The following ANXA6 variants were observed in gnomAD, a reference collection of about 807,000 sequenced individuals.
The protein encoded by ANXA6 is 67 kDa calelectrin.
ANXA6 carries 71 observed loss-of-function variants against 95.4 expected under a neutral mutation model. That is an observed-to-expected ratio of 0.74 (90% CI 0.61 to 0.91). The LOEUF (loss-of-function observed/expected upper bound fraction) is 0.91. ANXA6 is among the 40% of genes least tolerant of loss of function. The pLI is 0.00. For synonymous variants in ANXA6, 289 were observed against 315.9 expected (o/e 0.91, Z 0.90); for missense variants, 830 against 876.4 (o/e 0.95, Z 0.67).
At chr5:151,145,892 C>G (rs1451365579) in intron 2 of ANXA6, among the ~76,000 whole-genome samples, 1 of 152,162 alleles carries the variant, frequency 6.6e-6, no homozygotes, top group Non-Finnish European at 1.5e-5. Flanking sequence ...CTAGACCACT[C>G]TGAGCCCCCT....
In ANXA6 at chr5:151,134,120, T is replaced by G. The variant is rs189166750; in HGVS notation, c.546+307A>C. 2.1e-3 allele frequency among the ~76,000 whole-genome samples: 321 copies of G among 152,340 alleles called. 1 individual carries two copies. The highest frequency in any genetic ancestry group is 0.01 in the Middle Eastern group (3 of 294). Reference sequence around the variant, plus strand: ...CTTGATTTTGTTCATTAGTGATTTCTAAATGCTTGGCAGAGTGCCTAGCAC... The same window carrying G: ...CTTGATTTTGTTCATTAGTGATTTCGAAATGCTTGGCAGAGTGCCTAGCAC... On this transcript the variant is annotated intron_variant, in intron 8 of 25. Coordinates refer to ENST00000354546, the MANE Select transcript of ANXA6 (RefSeq NM_001155.5).
In ANXA6 at chr5:151,126,410, G is replaced by A. The variant is rs775635638; in HGVS notation, c.1048C>T (p.Arg350Ter). 8.7e-6 allele frequency: 14 copies of A among 1,608,930 alleles called. No homozygotes were observed. Among genetic ancestry groups the A allele is most frequent in the Non-Finnish European group, 1.1e-5 (13 of 1,177,728 alleles). Residue 350 changes from arginine to a stop codon, truncating the protein, a stop_gained, in exon 14 of 26, where the codon CGA becomes TGA. Transcript: ENST00000354546. LOFTEE classifies it high-confidence loss of function. ...GGAGGGGAAGGTCTGACCTCTACTC[G>A]GGCCACTGCACTAAGTTCCCACATC... ...YQMWELSAVA[R>*]VELKGTVRPA... is the part of the protein sequence containing the mutation.
chr5:151,136,136 A>G, intron 7 of ANXA6, 120 bp downstream of exon 7: 8 of 858,526 alleles, frequency 9.3e-6, no homozygotes, highest in Non-Finnish European at 1.5e-5. Flanking sequence ...TTAGCCAAAT[A>G]CACCTGCCTG....
chr5:151,135,059 A>G (rs1435105822), intron 7 of ANXA6, among the ~76,000 whole-genome samples: 1 of 152,144 alleles, frequency 6.6e-6, no homozygotes, highest in Non-Finnish European at 1.5e-5. Flanking sequence ...AAGCTTACAC[A>G]TAGGAGGATG....
rs753156467 is a variant in ANXA6, at chr5:151,105,269, G to C, written c.1815C>G (p.Ala605=). ...QSVKNKPLFF[A]DKLYKSMKGA... is the part of the protein sequence containing the mutation. ...CCTTCATGGATTTGTAAAGTTTGTCGGCAAAGAAGAGAGGCTTGTTCTTGA... is the reference window on the plus strand; with the variant it reads ...CCTTCATGGATTTGTAAAGTTTGTCCGCAAAGAAGAGAGGCTTGTTCTTGA... The change falls in exon 24 of 26, where the codon GCC becomes GCG. Residue 605 remains alanine, a synonymous_variant. Transcript: ENST00000354546. 2 of 1,613,886 alleles carry C rather than the reference G, an allele frequency of 1.2e-6. No individual in the cohort carries two copies. Among genetic ancestry groups the C allele is most frequent in the African/African-American group, 2.7e-5 (2 of 75,032 alleles).
intron 25 of ANXA6, among the ~76,000 whole-genome samples, 187 bp downstream of exon 25, chr5:151,103,383 A>G (rs979744277): frequency 4.6e-5 from 7 of 152,178 alleles, no homozygotes; most frequent in African/African-American, 1.7e-4. Context: ...TTAATTATAA[A>G]CCTTTGATTC....
chr5:151,148,075 AT>A, intron 1 of ANXA6, 149 bp from the exon 2 acceptor site: 9 of 713,190 alleles, frequency 1.3e-5, no homozygotes, highest in Admixed American at 2.2e-5. Flanking sequence ...GGCCAATCAC[AT>A]TTTTTTCAGA....
chr5:151,120,872 T>C (rs1765148970), intron 17 of ANXA6, among the ~76,000 whole-genome samples: 2 of 152,232 alleles, frequency 1.3e-5, no homozygotes, highest in African/African-American at 4.8e-5. Context: ...AGGTGTGTGG[T>C]GAGGCAATCA....
At chr5:151,128,835 T>G (rs78115958) in intron 12 of ANXA6, among the ~76,000 whole-genome samples, 1,612 of 151,064 alleles carry the variant, frequency 0.011, 40 homozygotes, top group African/African-American at 0.037. Context: ...TATTTTCCCA[T>G]AGAACATTTT....
chr5:151,124,197 A>G, intron 15 of ANXA6, 89 bp downstream of exon 15: 1 of 1,097,688 alleles, frequency 9.1e-7, no homozygotes, highest in Non-Finnish European at 1.4e-6. Context: ...CTAATTTGAA[A>G]CCTCACTCCA....
At chr5:151,121,949 T>C (rs1047087077) in intron 17 of ANXA6, among the ~76,000 whole-genome samples, 198 bp downstream of exon 17, 2 of 152,178 alleles carry the variant, frequency 1.3e-5, no homozygotes, top group Admixed American at 1.3e-4. Context: ...AGAACATCAT[T>C]TGAGTCTCTG....
intron 2 of ANXA6, among the ~76,000 whole-genome samples, chr5:151,143,658 G>A (rs952566591): frequency 3.3e-5 from 5 of 152,094 alleles, no homozygotes; most frequent in African/African-American, 4.8e-5. Context: ...TGGGACCCAG[G>A]AAATATTTCC....
intron 14 of ANXA6, 109 bp downstream of exon 14, chr5:151,126,293 G>T: frequency 1.2e-6 from 1 of 856,620 alleles, no homozygotes; most frequent in Non-Finnish European, 1.9e-6. Context: ...GAGAATCAAC[G>T]TGTCGGGTTG....
intron 20 of ANXA6, among the ~76,000 whole-genome samples, chr5:151,111,215 T>C (rs1316865032): frequency 6.6e-6 from 1 of 152,168 alleles, no homozygotes; most frequent in African/African-American, 2.4e-5. Flanking sequence ...TTTACAAGGG[T>C]TACTTTTAAT....
At chr5:151,115,491 C>T (rs1764972878) in intron 20 of ANXA6, among the ~76,000 whole-genome samples, 1 of 150,480 alleles carries the variant, frequency 6.6e-6, no homozygotes. Flanking sequence ...ACCACTGCCC[C>T]CTGCTAGCGG....
chr5:151,117,070 G>A, intron 20 of ANXA6, 57 bp downstream of exon 20: 2 of 1,489,748 alleles, frequency 1.3e-6, no homozygotes, highest in South Asian at 1.3e-5. Context: ...CGCATAAGCT[G>A]GACCTACATC....
chr5:151,110,559 G>T, intron 21 of ANXA6, 68 bp downstream of exon 21: 1 of 1,555,066 alleles, frequency 6.4e-7, no homozygotes, highest in Non-Finnish European at 8.8e-7. Context: ...ATACTGCCCC[G>T]CTCGGCCCAG....
At chr5:151,148,159 G>A (rs974772250) in intron 1 of ANXA6, among the ~76,000 whole-genome samples, 1 of 151,802 alleles carries the variant, frequency 6.6e-6, no homozygotes, top group African/African-American at 2.4e-5. Flanking sequence ...CCCCAAGGGA[G>A]GGCGGGCATG....
intron 20 of ANXA6, among the ~76,000 whole-genome samples, chr5:151,115,435 CT>C (rs1483259907): frequency 1.3e-5 from 2 of 152,186 alleles, no homozygotes; most frequent in Admixed American, 6.5e-5. Flanking sequence ...CCCGGGTTCT[CT>C]CTCTCCACTT....
Sources: allele counts gnomAD v4.1 joint callset (sites outside exome capture counted in the v4.1 genomes callset), GRCh38; gene constraint gnomAD v4.1.1; transcripts MANE v1.5; gene names NCBI Gene and HGNC (gene_info 2026-07-23, HGNC 2026-07-21).